The following PADI3 variants were observed in gnomAD, a reference collection of about 807,000 sequenced individuals.
The protein encoded by PADI3 is protein-arginine deiminase type-3.
A neutral mutation model predicts 71.5 loss-of-function variants in PADI3; 53 were observed. That is an observed-to-expected ratio of 0.74 (90% CI 0.59 to 0.93). The LOEUF is 0.93. Among genes scored for constraint, PADI3 ranks in the 40% least tolerant of loss-of-function variants. The probability of loss-of-function intolerance (pLI) is 0.00; values close to 1 mark genes in which losing one functional copy is unlikely to be tolerated. For missense variants in PADI3, 821 were observed against 868.0 expected (o/e 0.95, Z 0.68); for synonymous variants, 361 against 347.5 (o/e 1.04, Z -0.43).
chr1:17,267,822 T>A lies in PADI3; in HGVS notation c.527-15T>A, dbSNP rs754672966. On this transcript the variant is annotated splice_polypyrimidine_tract_variant and intron_variant, in intron 5 of 15. Coordinates refer to ENST00000375460, the MANE Select transcript of PADI3 (RefSeq NM_016233.2). ...GGACTCCCTTGAGTCACTACCACTC[T>A]GTCTGGCTTCACAGACCTGGAAGAC... 2 of 1,612,884 alleles carry A rather than the reference T, an allele frequency of 1.2e-6. No homozygotes were observed. The highest frequency in any genetic ancestry group is 2.2e-5 in the East Asian group (1 of 44,884).
intron 1 of PADI3, among the ~76,000 whole-genome samples, chr1:17,258,270 T>C (rs1451639208): frequency 6.6e-6 from 1 of 152,204 alleles, no homozygotes; most frequent in African/African-American, 2.4e-5. Context: ...CCCACTGAGC[T>C]GTGATCCTGT....
intron 11 of PADI3, 105 bp from the exon 12 acceptor site, chr1:17,276,414 T>C: frequency 1.7e-6 from 2 of 1,161,258 alleles, no homozygotes; most frequent in Non-Finnish European, 2.5e-6. Context: ...TGTTTTTTTG[T>C]TTTTTAAAAA....
chr1:17,264,444 C>T (rs2073140187), intron 3 of PADI3, among the ~76,000 whole-genome samples: 1 of 151,916 alleles, frequency 6.6e-6, no homozygotes, highest in African/African-American at 2.4e-5. Flanking sequence ...TACCAGAACC[C>T]CAAAGTCCCC....
At chr1:17,264,588 T>A (rs987927679) in intron 3 of PADI3, among the ~76,000 whole-genome samples, 2 of 152,234 alleles carry the variant, frequency 1.3e-5, no homozygotes, top group African/African-American at 4.8e-5. Context: ...TCTCATTTTA[T>A]CATCTGATTT....
At chr1:17,250,878 G>T (rs1456041861) in intron 1 of PADI3, among the ~76,000 whole-genome samples, 1 of 152,206 alleles carries the variant, frequency 6.6e-6, no homozygotes, top group African/African-American at 2.4e-5. Flanking sequence ...GAGGATAGAG[G>T]ATGGATTGGG....
Position 17,276,554 on chromosome 1 carries a change from A to G in PADI3, c.1343A>G (p.Asp448Gly). The G allele has an allele frequency of 6.2e-7, 1 of 1,614,076 alleles. No homozygotes were observed. The highest frequency in any genetic ancestry group is 8.5e-7 in the Non-Finnish European group (1 of 1,180,040). ...CGCAGGGTCACCCAGGTGGTGCGGG[A>G]CTTCCTCCATGCCCAGAAGGTGCAG... ...SGRRVTQVVR[D>G]FLHAQKVQPP... Residue 448 changes from aspartate (D) to glycine (G), a missense_variant, in exon 12 of 16, where the codon GAC (aspartate) becomes GGC (glycine). Transcript: ENST00000375460.
intron 1 of PADI3, among the ~76,000 whole-genome samples, chr1:17,255,008 G>A (rs1482134456): frequency 5.3e-5 from 8 of 152,116 alleles, no homozygotes; most frequent in South Asian, 2.1e-4. Flanking sequence ...GAGCCACTGC[G>A]CCTGGCCCAC....
At chr1:17,257,645 T>C (rs2073044882) in intron 1 of PADI3, among the ~76,000 whole-genome samples, 1 of 152,190 alleles carries the variant, frequency 6.6e-6, no homozygotes, top group South Asian at 2.1e-4. Flanking sequence ...TTGGGCTTGG[T>C]TTATTTCCCT....
chr1:17,265,183 A>C (rs2100574161), intron 3 of PADI3, among the ~76,000 whole-genome samples: 1 of 152,066 alleles, frequency 6.6e-6, no homozygotes, highest in African/African-American at 2.4e-5. Flanking sequence ...CTAGGGCTAA[A>C]TGTTAAGAAG....
At chr1:17,273,230 T>C in intron 9 of PADI3, 110 bp from the exon 10 acceptor site, 1 of 754,314 alleles carries the variant, frequency 1.3e-6, no homozygotes, top group South Asian at 1.8e-5. Flanking sequence ...AAAACATGCT[T>C]GGGCCAGGGG....
At chr1:17,257,346 G>A (rs992249373) in intron 1 of PADI3, among the ~76,000 whole-genome samples, 3 of 152,210 alleles carry the variant, frequency 2.0e-5, no homozygotes, top group African/African-American at 7.2e-5. Context: ...ACAGGCTTTG[G>A]GAGTAGGGTT....
At chr1:17,262,093 T>C (rs983824509) in intron 2 of PADI3, 40 bp from the exon 3 acceptor site, 2 of 1,587,778 alleles carry the variant, frequency 1.3e-6, no homozygotes, top group African/African-American at 2.7e-5. Flanking sequence ...CGGGAGCTCT[T>C]GGCTTCTGCT....
chr1:17,280,932 A>G (rs2073393078), intron 15 of PADI3, 136 bp downstream of exon 15: 8 of 1,103,028 alleles, frequency 7.3e-6, no homozygotes, highest in East Asian at 5.1e-5. Flanking sequence ...CAGGGGTCCT[A>G]TGGTGCTCCT....
intron 13 of PADI3, among the ~76,000 whole-genome samples, chr1:17,279,722 G>A (rs1377540821): frequency 1.3e-5 from 2 of 152,138 alleles, no homozygotes; most frequent in Admixed American, 1.3e-4. Context: ...GCTGAACCTG[G>A]GCACTCCCCT....
chr1:17,265,002 C>T (rs2073148575), intron 3 of PADI3, among the ~76,000 whole-genome samples: 2 of 127,686 alleles, frequency 1.6e-5, no homozygotes, highest in African/African-American at 6.5e-5. Context: ...GAGACCCTGT[C>T]TTGTCTCAAA....
intron 5 of PADI3, 35 bp from the exon 6 acceptor site, chr1:17,267,802 C>T (rs762304365): frequency 1.2e-6 from 2 of 1,609,956 alleles, no homozygotes; most frequent in African/African-American, 1.3e-5. Flanking sequence ...GGCCAGGACT[C>T]CCTTGAGTCA....
intron 1 of PADI3, 98 bp downstream of exon 1, chr1:17,249,327 C>T: frequency 2.0e-6 from 2 of 991,302 alleles, no homozygotes; most frequent in South Asian, 1.3e-5. Flanking sequence ...GGGCCCACTC[C>T]CCAGCCTTGG....
intron 3 of PADI3, 58 bp from the exon 4 acceptor site, chr1:17,265,601 G>A (rs550485705): frequency 7.9e-5 from 117 of 1,486,710 alleles, no homozygotes; most frequent in Non-Finnish European, 9.4e-6. Context: ...CTGAGATCAA[G>A]GCCTGCCCTG....
chr1:17,260,924 G>A (rs1002788951), intron 2 of PADI3, among the ~76,000 whole-genome samples: 1 of 151,622 alleles, frequency 6.6e-6, no homozygotes, highest in South Asian at 2.1e-4. Flanking sequence ...TGGCTGGTGG[G>A]ATGGAGGAAG....
Sources: allele counts gnomAD v4.1 joint callset (sites outside exome capture counted in the v4.1 genomes callset), GRCh38; gene constraint gnomAD v4.1.1; transcripts MANE v1.5; gene names NCBI Gene and HGNC (gene_info 2026-07-23, HGNC 2026-07-21).